Variants in FGF14 observed in about 807,000 individuals in gnomAD.
FGF14 encodes fibroblast growth factor 14.
A neutral mutation model predicts 25.5 loss-of-function variants in FGF14; 5 were observed. The ratio of observed to expected loss-of-function variants is 0.20; its 90% confidence interval spans 0.10 to 0.41. The LOEUF (loss-of-function observed/expected upper bound fraction) is 0.41. Among genes scored for constraint, FGF14 ranks in the 10% least tolerant of loss-of-function variants. The probability of loss-of-function intolerance (pLI) is 1.00; values close to 1 mark genes in which losing one functional copy is unlikely to be tolerated. For missense variants in FGF14, 222 were observed against 320.1 expected (o/e 0.69, Z 2.34); for synonymous variants, 138 against 118.3 (o/e 1.17, Z -1.08).
At chr13:101,922,335 G>A (rs1382012003) in intron 1 of FGF14, among the ~76,000 whole-genome samples, 1 of 152,130 alleles carries the variant, frequency 6.6e-6, no homozygotes, top group African/African-American at 2.4e-5. Flanking sequence ...TTTGCTTGAT[G>A]TCCTGGGCTC....
chr13:102,002,096 G>A (rs955911480), intron 1 of FGF14: 7 of 152,134 alleles, frequency 4.6e-5, no homozygotes, highest in African/African-American at 1.7e-4. Flanking sequence ...CCCAGCAAGA[G>A]CCAAAAAAGT....
chr13:102,157,326 C>A (rs2047391637), intron 1 of FGF14, among the ~76,000 whole-genome samples: 1 of 152,130 alleles, frequency 6.6e-6, no homozygotes, highest in African/African-American at 2.4e-5. Context: ...ACCAATGGAA[C>A]AGAACAGAGG....
intron 1 of FGF14, among the ~76,000 whole-genome samples, chr13:102,078,523 T>A (rs986658938): frequency 6.6e-6 from 1 of 152,198 alleles, no homozygotes; most frequent in Non-Finnish European, 1.5e-5. Flanking sequence ...ATATGTGCAA[T>A]CTGTATCGTA....
At chr13:102,231,718 A>G (rs558690659) in intron 1 of FGF14, among the ~76,000 whole-genome samples, 199 of 152,306 alleles carry the variant, frequency 1.3e-3, no homozygotes, top group African/African-American at 4.0e-3. Flanking sequence ...GATCTCATCA[A>G]TCCAGTGATA....
chr13:101,803,043 C>G (rs998630415), intron 3 of FGF14, among the ~76,000 whole-genome samples: 4 of 151,744 alleles, frequency 2.6e-5, no homozygotes, highest in Non-Finnish European at 5.9e-5. Flanking sequence ...TAGCATTCTG[C>G]TGCCATTCTT....
At chr13:101,769,836 A>G (rs2038645410) in intron 3 of FGF14, among the ~76,000 whole-genome samples, 1 of 152,144 alleles carries the variant, frequency 6.6e-6, no homozygotes, top group African/African-American at 2.4e-5. Context: ...AGCACAGAAG[A>G]TTTTTAGGGC....
intron 1 of FGF14, among the ~76,000 whole-genome samples, chr13:102,337,353 GAGAATT>G (rs1262108193): frequency 2.0e-5 from 3 of 152,148 alleles, no homozygotes; most frequent in African/African-American, 7.2e-5. Context: ...GAAAAAGCAA[GAGAATT>G]AGAATTAGAA....
chr13:102,085,479 G>A lies in FGF14; in HGVS notation c.209-210183C>T, dbSNP rs73576735. Among the ~76,000 whole-genome samples, 325 of 152,216 alleles carry A rather than the reference G, an allele frequency of 2.1e-3. 1 individual carries two copies. The highest frequency in any genetic ancestry group is 7.4e-3 in the African/African-American group (309 of 41,520). The stretch of plus-strand genomic sequence containing the variant: ...ATTTATTGTCCCTGTTATAAACAAT[G>A]GGAGTGATGTCAAACAATTTTCTGG... On this transcript the variant is annotated intron_variant, in intron 1 of 4. Transcript: ENST00000376131.
chr13:102,007,819 T>TA (rs1431394014), intron 1 of FGF14, among the ~76,000 whole-genome samples: 1 of 152,232 alleles, frequency 6.6e-6, no homozygotes, highest in Non-Finnish European at 1.5e-5. Context: ...TTAGATAATA[T>TA]AATAATGAGA....
chr13:101,914,787 T>C (rs1335839617), intron 1 of FGF14, among the ~76,000 whole-genome samples: 2 of 152,244 alleles, frequency 1.3e-5, no homozygotes, highest in South Asian at 2.1e-4. Context: ...ATTTAGTAGA[T>C]AGTATGTTAA....
At chr13:101,770,691 C>T (rs2139967717) in intron 3 of FGF14, among the ~76,000 whole-genome samples, 1 of 152,102 alleles carries the variant, frequency 6.6e-6, no homozygotes, top group Non-Finnish European at 1.5e-5. Flanking sequence ...AAGTAAGAAA[C>T]TACAAAAGCT....
At chr13:102,198,780 C>T (rs1180202752) in intron 1 of FGF14, among the ~76,000 whole-genome samples, 3 of 152,158 alleles carry the variant, frequency 2.0e-5, no homozygotes, top group Non-Finnish European at 4.4e-5. Flanking sequence ...AAAATACCAA[C>T]CCTGTGGGAT....
At chr13:101,873,167 G>C (rs2045207413) in intron 2 of FGF14, among the ~76,000 whole-genome samples, 1 of 152,036 alleles carries the variant, frequency 6.6e-6, no homozygotes, top group African/African-American at 2.4e-5. Context: ...TCCATATTTA[G>C]AAAGTGCTTA....
chr13:102,391,520 C>A (rs2058432764), intron 1 of FGF14, among the ~76,000 whole-genome samples: 4 of 152,256 alleles, frequency 2.6e-5, no homozygotes, highest in African/African-American at 9.6e-5. Flanking sequence ...TTAACTGCAT[C>A]ATTAAAATAT....
chr13:101,854,436 C>T (rs1457367085), intron 3 of FGF14, among the ~76,000 whole-genome samples: 1 of 152,022 alleles, frequency 6.6e-6, no homozygotes, highest in Non-Finnish European at 1.5e-5. Context: ...CTAAACACAC[C>T]AGGCTTACTG....
chr13:101,959,300 G>T (rs114328292), intron 1 of FGF14, among the ~76,000 whole-genome samples: 1,767 of 152,140 alleles, frequency 0.012, 40 homozygotes, highest in African/African-American at 0.041. Flanking sequence ...TGGAACCTCT[G>T]CTCTAATAGT....
At chr13:102,076,656 A>G (rs2043377733) in intron 1 of FGF14, among the ~76,000 whole-genome samples, 1 of 152,226 alleles carries the variant, frequency 6.6e-6, no homozygotes, top group Non-Finnish European at 1.5e-5. Context: ...AATAAATTGA[A>G]GACACAAATA....
intron 3 of FGF14, among the ~76,000 whole-genome samples, chr13:101,812,411 T>C (rs993656359): frequency 1.8e-4 from 28 of 151,780 alleles, no homozygotes; most frequent in Admixed American, 3.3e-4. Context: ...CTTTCAACTA[T>C]AGACATAAGC....
At chr13:102,178,181 C>T (rs953192445) in intron 1 of FGF14, among the ~76,000 whole-genome samples, 40 of 152,054 alleles carry the variant, frequency 2.6e-4, no homozygotes, top group African/African-American at 9.4e-4. Context: ...GAGAAGGAGA[C>T]CTAAGCCACT....
Sources: allele counts gnomAD v4.1 joint callset (sites outside exome capture counted in the v4.1 genomes callset), GRCh38; gene constraint gnomAD v4.1.1; transcripts MANE v1.5; gene names NCBI Gene and HGNC (gene_info 2026-07-23, HGNC 2026-07-21).